Variants in TNS1 observed in about 807,000 individuals in gnomAD.
TNS1 encodes the protein tensin-1.
TNS1 carries 62 observed loss-of-function variants against 168.6 expected under a neutral mutation model. The observed-to-expected ratio is 0.37, with a 90% CI of 0.30 to 0.45. TNS1 has a LOEUF of 0.45. TNS1 is among the 20% of genes least tolerant of loss of function. TNS1 has a pLI of 1.00. For synonymous variants in TNS1, 934 were observed against 933.2 expected (o/e 1.00, Z -0.02); for missense variants, 2,240 against 2,339.4 (o/e 0.96, Z 0.88).
At chr2:217,913,848 C>T (rs1206063775) in intron 4 of TNS1, among the ~76,000 whole-genome samples, 1 of 152,134 alleles carries the variant, frequency 6.6e-6, no homozygotes, top group African/African-American at 2.4e-5. Flanking sequence ...ATCCCTGCCC[C>T]CATTCCTGCA....
rs1191287626 is a variant in TNS1 at position 217,938,167 on chromosome 2, A to G, written c.187-17931T>C. Among the ~76,000 whole-genome samples the G allele has an allele frequency of 2.0e-5, 3 of 152,328 alleles. No homozygotes were observed. In the South Asian group the frequency reaches 6.2e-4, roughly 32 times the overall value. On this transcript the variant is annotated intron_variant, in intron 3 of 32. Transcript: ENST00000682258. ...CAAGCCCATTCTTTCTCCAAAAAAA[A>G]GCTTAATGCCTTTTGCAGCTGCAAC... is the stretch of plus-strand genomic sequence containing the variant.
At chr2:217,812,473 G>C (rs764310772) in intron 27 of TNS1, 28 bp from the exon 28 acceptor site, 2 of 1,603,594 alleles carry the variant, frequency 1.2e-6, no homozygotes, top group African/African-American at 1.3e-5. Flanking sequence ...GCATGTCATG[G>C]GCAGTGATAC....
chr2:217,807,926 G>A, intron 32 of TNS1, 149 bp downstream of exon 32: 1 of 948,622 alleles, frequency 1.1e-6, no homozygotes, highest in Non-Finnish European at 1.6e-6. Context: ...GCCTGGTCAA[G>A]CTTCACTCGG....
intron 3 of TNS1, among the ~76,000 whole-genome samples, chr2:217,921,034 G>C (rs1247085544): frequency 6.6e-6 from 1 of 151,382 alleles, no homozygotes; most frequent in Non-Finnish European, 1.5e-5. Flanking sequence ...CGAGAGGGAG[G>C]AGGAGAGTAG....
chr2:217,870,644 C>G lies in TNS1; in HGVS notation c.1429+10254G>C, dbSNP rs191203549. 1.1e-4 allele frequency among the ~76,000 whole-genome samples: 17 copies of G among 152,266 alleles called. No individual in the cohort carries two copies. In the East Asian group the frequency reaches 2.9e-3, roughly 26 times the overall value. ...TTGAGCACAAGAGAGCAGACTGTGC[C>G]CAGAGCTCCGGCTGGCTCTGAGCGT... On this transcript the variant is annotated intron_variant, in intron 18 of 32. Transcript: ENST00000682258.
chr2:217,901,876 G>C (rs184653335), intron 6 of TNS1: 107 of 152,414 alleles, frequency 7.0e-4, no homozygotes, highest in African/African-American at 2.4e-3. Flanking sequence ...TGAGCCCCAA[G>C]TTAGAGCAGC....
chr2:217,883,876 A>C (rs1950916032), intron 16 of TNS1, among the ~76,000 whole-genome samples: 1 of 152,084 alleles, frequency 6.6e-6, no homozygotes, highest in African/African-American at 2.4e-5. Flanking sequence ...GCCTGAGCCC[A>C]CTCTGGACAC....
intron 3 of TNS1, among the ~76,000 whole-genome samples, chr2:217,966,867 A>G (rs1454595033): frequency 2.0e-5 from 3 of 152,230 alleles, no homozygotes; most frequent in East Asian, 3.8e-4. Flanking sequence ...CCGAGCAGGA[A>G]GCCCACATCA....
chr2:217,893,577 T>G lies in TNS1; in HGVS notation c.595-16A>C, dbSNP rs1246605070. On this transcript the variant is annotated splice_polypyrimidine_tract_variant and intron_variant, in intron 9 of 32. Transcript: ENST00000682258. ...ATTCCAGTACCTGTGGCCCAAGCCA[T>G]GAGTGAGAAGAGGGCAGAAGCCCTG... 2 of 1,602,044 alleles carry G rather than the reference T, an allele frequency of 1.2e-6. No individual in the cohort carries two copies. Among genetic ancestry groups the G allele is most frequent in the Non-Finnish European group, 1.7e-6 (2 of 1,174,586 alleles).
chr2:218,030,663 C>T (rs973831693), intron 1 of TNS1, among the ~76,000 whole-genome samples: 1 of 152,244 alleles, frequency 6.6e-6, no homozygotes, highest in Admixed American at 6.5e-5. Context: ...TGTCTGGACC[C>T]AGGACTCCTG....
rs560371760 is a variant in TNS1, at chr2:217,801,465, T to C, written c.*2994A>G. On this transcript the variant is annotated 3_prime_UTR_variant, in exon 33 of 33. Coordinates refer to ENST00000682258, the MANE Select transcript of TNS1 (RefSeq NM_001387777.1). ...TCTGCGTCGCTGCGATGTCCATGACTCCCTGGCTCTTTGTTGCCCATCTTC... is the reference window on the plus strand; with the variant it reads ...TCTGCGTCGCTGCGATGTCCATGACCCCCTGGCTCTTTGTTGCCCATCTTC... 1.3e-5 allele frequency: 2 copies of C among 152,350 alleles called. No individual in the cohort carries two copies. Among genetic ancestry groups the C allele is most frequent in the South Asian group, 4.1e-4 (2 of 4,822 alleles). 9.4% of individuals were successfully genotyped at this position (152,350 alleles called of 1,614,324 possible).
chr2:218,016,919 G>T (rs945153076), intron 1 of TNS1, among the ~76,000 whole-genome samples: 1 of 152,204 alleles, frequency 6.6e-6, no homozygotes, highest in Non-Finnish European at 1.5e-5. Context: ...GGCAGTGAAG[G>T]GCCAGCATCC....
chr2:218,009,633 C>G (rs1210759159), intron 1 of TNS1, among the ~76,000 whole-genome samples: 1 of 152,166 alleles, frequency 6.6e-6, no homozygotes, highest in Non-Finnish European at 1.5e-5. Context: ...CCCCAGCCAC[C>G]CCATTCCCGT....
chr2:218,005,409 T>C (rs926665363), upstream of TNS1, among the ~76,000 whole-genome samples: 1 of 152,196 alleles, frequency 6.6e-6, no homozygotes, highest in Admixed American at 6.5e-5. Context: ...AAACCCTCCC[T>C]CCAGAATACC....
intron 18 of TNS1, chr2:217,849,529 T>C: frequency 2.2e-6 from 1 of 462,764 alleles, no homozygotes; most frequent in Non-Finnish European, 2.8e-6. Flanking sequence ...AGTTGACACA[T>C]GACATGCTGA....
intron 3 of TNS1, among the ~76,000 whole-genome samples, chr2:217,944,803 A>G (rs1174133104): frequency 6.6e-6 from 1 of 152,262 alleles, no homozygotes; most frequent in African/African-American, 2.4e-5. Context: ...GGAGTTTACC[A>G]TATAATCATT....
At chr2:217,989,453 G>A (rs560916401) in intron 2 of TNS1, among the ~76,000 whole-genome samples, 1 of 152,208 alleles carries the variant, frequency 6.6e-6, no homozygotes, top group East Asian at 1.9e-4. Context: ...GCTGTCCTTG[G>A]GAGGCCCTGC....
Position 217,821,732 on chromosome 2 carries a change from C to G in TNS1, c.3572+8G>C. On this transcript the variant is annotated splice_region_variant and intron_variant, in intron 23 of 32. Transcript: ENST00000682258. The stretch of plus-strand genomic sequence containing the variant: ...CCATCCCCCACCCACTGCCCCTTCC[C>G]GGCTTACCTGTCAGCACTGAGGATG... 1 of 1,434,464 alleles carries G rather than the reference C, an allele frequency of 7.0e-7. No individual in the cohort carries two copies. The highest frequency in any genetic ancestry group is 1.7e-5 in the South Asian group (1 of 60,548). The allele number at this position is 1,434,464 out of a possible 1,614,324, so 88.9% of individuals were successfully genotyped here. A position where few individuals can be genotyped will look rare whatever the true frequency, so the allele number is the denominator to read the frequency against.
At chr2:217,978,670 C>A in intron 3 of TNS1, 95 bp downstream of exon 3, 1 of 653,316 alleles carries the variant, frequency 1.5e-6, no homozygotes, top group Non-Finnish European at 2.8e-6. Context: ...GCCCCGGGCA[C>A]CGCCCCCGCC....
Sources: allele counts gnomAD v4.1 joint callset (sites outside exome capture counted in the v4.1 genomes callset), GRCh38; gene constraint gnomAD v4.1.1; transcripts MANE v1.5; gene names NCBI Gene and HGNC (gene_info 2026-07-23, HGNC 2026-07-21).